POLN: variants seen among roughly 807,000 people sequenced by gnomAD.
POLN encodes the protein DNA polymerase nu.
POLN carries 108 observed loss-of-function variants against 113.5 expected under a neutral mutation model. The ratio of observed to expected loss-of-function variants is 0.95; its 90% CI spans 0.81 to 1.12. The LOEUF (loss-of-function observed/expected upper bound fraction) is 1.12. Ranked by LOEUF, POLN falls within the 50% of genes most tolerant of loss-of-function variation. The probability of loss-of-function intolerance (pLI) is 0.00; values close to 1 mark genes in which losing one functional copy is unlikely to be tolerated. For missense variants in POLN, 1,097 were observed against 1,077.1 expected, an observed-to-expected ratio of 1.02 and a Z score of -0.26; for synonymous variants, 386 against 391.5, an observed-to-expected ratio of 0.99 and a Z score of 0.17.
intron 3 of POLN, among the ~76,000 whole-genome samples, chr4:2,225,943 A>G (rs928590162): frequency 5.3e-5 from 8 of 151,902 alleles, no homozygotes; most frequent in Non-Finnish European, 5.9e-5. Flanking sequence ...TCAGGCTGCA[A>G]TGACCTGTGA....
At chr4:2,204,291 C>T (rs1461103447) in intron 5 of POLN, among the ~76,000 whole-genome samples, 2 of 151,894 alleles carry the variant, frequency 1.3e-5, no homozygotes, top group African/African-American at 4.8e-5. Context: ...ATGAAAAGAT[C>T]ACTCAAGGCT....
chr4:2,216,440 C>G (rs137940463), intron 3 of POLN, among the ~76,000 whole-genome samples: 63 of 152,284 alleles, frequency 4.1e-4, no homozygotes, highest in Non-Finnish European at 7.9e-4. Context: ...CAGACTGCAC[C>G]CTGGAGGTGA....
intron 19 of POLN, among the ~76,000 whole-genome samples, chr4:2,101,437 C>T (rs1183525032): frequency 1.3e-5 from 2 of 152,186 alleles, no homozygotes; most frequent in Non-Finnish European, 2.9e-5. Flanking sequence ...AAACAGGCAG[C>T]CTGCATGGCC....
chr4:2,191,572 T>C (rs971512076), intron 7 of POLN, among the ~76,000 whole-genome samples: 1 of 152,188 alleles, frequency 6.6e-6, no homozygotes. Flanking sequence ...TTACACATTA[T>C]ATGAATGTAT....
Position 2,093,368 on chromosome 4 carries a change from C to A in POLN, c.2065+2483G>T, listed in dbSNP as rs73799504. Among the ~76,000 whole-genome samples the A allele has an allele frequency of 0.014, 2,104 of 152,328 alleles. 54 individuals are homozygous for A. The highest frequency in any genetic ancestry group is 0.048 in the African/African-American group (1,992 of 41,558). On this transcript the variant is annotated intron_variant, in intron 20 of 25. Coordinates refer to ENST00000511885, the MANE Select transcript of POLN (RefSeq NM_181808.4). This position sits in a 1 kb window ranked among gnomAD's most constrained non-coding sequence, Gnocchi z 4.1. The stretch of plus-strand genomic sequence containing the variant: ...CATGGCACAGAAGTGAAGTAGGACT[C>A]AGACGTAACGGCAGATGACAGAGAT...
chr4:2,126,707 G>C lies in POLN; in HGVS notation c.1982+1406C>G, dbSNP rs1172231509. ...GAGGGCCCTGAGGAGACGCCGGGAG[G>C]GCCCACTTGGATGAGGTAGGGGAGG... is the stretch of plus-strand genomic sequence containing the variant. On this transcript the variant is annotated intron_variant, in intron 19 of 25. Transcript: ENST00000511885. This position sits in a 1 kb window ranked among gnomAD's most constrained non-coding sequence, Gnocchi z 4.6. Among the ~76,000 whole-genome samples the C allele has an allele frequency of 2.0e-5, 3 of 152,140 alleles. No homozygotes were observed. The highest frequency in any genetic ancestry group is 7.2e-5 in the African/African-American group (3 of 41,408).
intron 23 of POLN, 84 bp from the exon 24 acceptor site, chr4:2,075,603 C>G: frequency 6.9e-7 from 1 of 1,455,636 alleles, no homozygotes; most frequent in East Asian, 2.3e-5. Flanking sequence ...AGGGAGTCAA[C>G]CTGGGAGGCC....
intron 7 of POLN, among the ~76,000 whole-genome samples, chr4:2,192,094 G>A (rs1477273694): frequency 7.7e-6 from 1 of 129,644 alleles, no homozygotes; most frequent in Non-Finnish European, 1.5e-5. Flanking sequence ...TAGCCTGGGC[G>A]ACAGAGCGAG....
At chr4:2,207,583 G>A (rs1274527443) in intron 5 of POLN, among the ~76,000 whole-genome samples, 1 of 151,930 alleles carries the variant, frequency 6.6e-6, no homozygotes, top group Non-Finnish European at 1.5e-5. Context: ...AATTTGAACA[G>A]ACATTTCATC....
Position 2,089,471 on chromosome 4 carries a change from G to A in POLN, c.2066-3727C>T, listed in dbSNP as rs1420432038. 7.7e-5 allele frequency: 109 copies of A among 1,407,328 alleles called. 1 individual carries two copies. The highest frequency in any genetic ancestry group is 1.0e-4 in the Non-Finnish European group (104 of 1,032,952). 87.2% of individuals were successfully genotyped at this position (1,407,328 alleles called of 1,614,324 possible). ...CTTATATTGTTTTCTTTGTGTTCCC[G>A]AAACAGTTCAGTTAGGGATGGACTT... is the stretch of plus-strand genomic sequence containing the variant. On this transcript the variant is annotated intron_variant, in intron 20 of 25. Coordinates refer to ENST00000511885, the MANE Select transcript of POLN (RefSeq NM_181808.4).
In POLN at chr4:2,208,536, G is replaced by C. The variant is rs73798506; in HGVS notation, c.214-49C>G. 9.0e-4 allele frequency: 1,250 copies of C among 1,385,856 alleles called. 8 individuals carry two copies. In the African/African-American group the frequency reaches 0.016, roughly 18 times the overall value. The allele number at this position is 1,385,856 out of a possible 1,614,324, so 85.8% of individuals were successfully genotyped here. On this transcript the variant is annotated intron_variant, in intron 4 of 25. Coordinates refer to ENST00000511885, the MANE Select transcript of POLN (RefSeq NM_181808.4). ...CATTAGAATATGGACTCATAAGACA[G>C]ATCTATAAACTAAACTAATTTCTGG...
At chr4:2,179,525 T>C in intron 7 of POLN, 60 bp from the exon 8 acceptor site, 1 of 1,527,848 alleles carries the variant, frequency 6.5e-7, no homozygotes, top group Non-Finnish European at 9.0e-7. Flanking sequence ...TTTTCCTGCT[T>C]TGACAAAGTT....
intron 19 of POLN, among the ~76,000 whole-genome samples, chr4:2,097,120 G>A (rs1007360796): frequency 2.0e-5 from 3 of 152,304 alleles, no homozygotes; most frequent in South Asian, 4.1e-4. Context: ...TCCAAGCAAC[G>A]TCTGCCACTC....
chr4:2,225,552 T>C (rs770339983), intron 3 of POLN, among the ~76,000 whole-genome samples: 16 of 148,518 alleles, frequency 1.1e-4, no homozygotes, highest in South Asian at 4.2e-4. Flanking sequence ...AGACTCCAAC[T>C]CAAAAAAAAG....
chr4:2,181,296 C>G (rs1023319437), intron 7 of POLN, among the ~76,000 whole-genome samples: 8 of 152,060 alleles, frequency 5.3e-5, no homozygotes, highest in African/African-American at 1.2e-4. Context: ...AGGCACCCAC[C>G]ACCATGCCCA....
Position 2,179,403 on chromosome 4 carries a change from T to C in POLN, c.1084A>G (p.Thr362Ala). Residue 362 changes from threonine to alanine, a missense_variant, in exon 8 of 26, where the codon ACA becomes GCA. Thr to Ala is a moderately conservative substitution (Grantham distance 58, BLOSUM62 0). Coordinates refer to ENST00000511885, the MANE Select transcript of POLN (RefSeq NM_181808.4). The stretch of plus-strand genomic sequence containing the variant: ...TCTACTAAATCTTCAAAAGAGGGTG[T>C]GGCATCACTAGGATCTATAAGCCAT... ...AAWLIDPSDATPSFEDLVEKY... is the reference protein window; with the variant it reads ...AAWLIDPSDAAPSFEDLVEKY... The C allele has an allele frequency of 1.9e-6, 3 of 1,613,468 alleles. No individual in the cohort carries two copies. In the South Asian group the frequency reaches 3.3e-5, roughly 18 times the overall value.
intron 19 of POLN, among the ~76,000 whole-genome samples, chr4:2,104,931 C>T (rs1256512247): frequency 3.3e-5 from 5 of 152,302 alleles, no homozygotes; most frequent in African/African-American, 4.8e-5. Flanking sequence ...TGGCTCCCTT[C>T]AGAAGCGTGC....
At chr4:2,159,039 C>G in intron 14 of POLN, 116 bp downstream of exon 14, 1 of 801,672 alleles carries the variant, frequency 1.2e-6, no homozygotes, top group Admixed American at 2.3e-5. Context: ...AACTCTATTC[C>G]CCTGAGAACA....
chr4:2,112,028 C>A (rs928123486), intron 19 of POLN, among the ~76,000 whole-genome samples: 2 of 152,038 alleles, frequency 1.3e-5, no homozygotes, highest in African/African-American at 2.4e-5. Flanking sequence ...GTACTGGTAC[C>A]AAAACAGAGA....
Sources: allele counts gnomAD v4.1 joint callset (sites outside exome capture counted in the v4.1 genomes callset), GRCh38; gene constraint gnomAD v4.1.1; non-coding constraint Gnocchi (gnomAD v3.1); transcripts MANE v1.5; gene names NCBI Gene and HGNC (gene_info 2026-07-23, HGNC 2026-07-21).